Variants in WWOX observed in about 807,000 individuals in gnomAD.
WWOX encodes the protein WW domain containing oxidoreductase.
WWOX carries 69 observed loss-of-function variants against 46.2 expected under a neutral mutation model. The observed-to-expected ratio is 1.49, with a 90% CI of 1.23 to 1.82. WWOX has a LOEUF of 1.82. WWOX is among the 40% of genes most tolerant of loss of function. The pLI is 0.00. For synonymous variants in WWOX, 359 were observed against 202.6 expected (o/e 1.77, Z -6.56); for missense variants, 919 against 542.6 (o/e 1.69, Z -6.89).
At chr16:78,225,657 C>T (rs1298789936) in intron 5 of WWOX, among the ~76,000 whole-genome samples, 1 of 152,120 alleles carries the variant, frequency 6.6e-6, no homozygotes, top group East Asian at 1.9e-4. Context: ...TGATTTTCTC[C>T]AGATGAGTAG....
intron 5 of WWOX, among the ~76,000 whole-genome samples, chr16:78,272,811 C>A (rs1475761926): frequency 1.3e-5 from 2 of 151,986 alleles, no homozygotes; most frequent in African/African-American, 2.4e-5. Flanking sequence ...ACACTGTATG[C>A]CATTTGCTTA....
At chr16:79,118,991 C>G (rs1027978401) in intron 8 of WWOX, among the ~76,000 whole-genome samples, 1 of 152,252 alleles carries the variant, frequency 6.6e-6, no homozygotes, top group Non-Finnish European at 1.5e-5. Flanking sequence ...CATCTCTGTG[C>G]ATAAAGCAGT....
chr16:78,704,281 C>G (rs1207528344), intron 8 of WWOX, among the ~76,000 whole-genome samples: 1 of 152,110 alleles, frequency 6.6e-6, no homozygotes, highest in Non-Finnish European at 1.5e-5. Flanking sequence ...GCGGGTATCT[C>G]CAAAATTTCC....
chr16:78,199,773 A>C (rs1267195150), intron 5 of WWOX, among the ~76,000 whole-genome samples: 4 of 145,394 alleles, frequency 2.8e-5, no homozygotes, highest in African/African-American at 1.1e-4. Context: ...TCTTAGGCTG[A>C]GTTCCAGACT....
rs528398736 is a variant in WWOX at position 78,929,609 on chromosome 16, T to A, written c.1057-281999T>A. On this transcript the variant is annotated intron_variant, in intron 8 of 8. Transcript: ENST00000566780. Reference sequence around the variant, plus strand: ...AGCCTGGTGGACAAGGAGGGCGGGATAAGATTGCCAGGCCCTGCTTCTATT... The same window carrying A: ...AGCCTGGTGGACAAGGAGGGCGGGAAAAGATTGCCAGGCCCTGCTTCTATT... 3.9e-5 allele frequency among the ~76,000 whole-genome samples: 6 copies of A among 152,284 alleles called. No homozygotes were observed. In the East Asian group the frequency reaches 1.2e-3, roughly 29 times the overall value.
At chr16:78,287,556 T>C (rs1162634004) in intron 5 of WWOX, among the ~76,000 whole-genome samples, 1 of 151,394 alleles carries the variant, frequency 6.6e-6, no homozygotes, top group African/African-American at 2.4e-5. Flanking sequence ...CGATTATTGC[T>C]TTTTTTTTCC....
At chr16:78,211,027 A>G (rs16947277) in intron 5 of WWOX, among the ~76,000 whole-genome samples, 3,939 of 152,318 alleles carry the variant, frequency 0.026, 172 homozygotes, top group African/African-American at 0.091. Flanking sequence ...AATCCATAGT[A>G]ACTGGAGGCA....
chr16:78,691,967 G>T (rs1041413645), intron 8 of WWOX, among the ~76,000 whole-genome samples: 6 of 152,188 alleles, frequency 3.9e-5, no homozygotes, highest in African/African-American at 9.6e-5. Flanking sequence ...TCTGATGGGT[G>T]TATCAGGAGT....
At chr16:79,132,587 G>A (rs976005607) in intron 8 of WWOX, among the ~76,000 whole-genome samples, 1 of 151,832 alleles carries the variant, frequency 6.6e-6, no homozygotes, top group Non-Finnish European at 1.5e-5. Flanking sequence ...TCTCTGTCTG[G>A]TTTCTCTGTG....
intron 7 of WWOX, among the ~76,000 whole-genome samples, chr16:78,426,923 C>A (rs8050734): frequency 0.17 from 25,824 of 152,054 alleles, 2,832 homozygotes; most frequent in East Asian, 0.3. Context: ...TGGCTTCTCA[C>A]AGTGCTGTGA....
chr16:78,133,595 C>G (rs1390084102), intron 4 of WWOX, among the ~76,000 whole-genome samples: 1 of 152,128 alleles, frequency 6.6e-6, no homozygotes, highest in East Asian at 1.9e-4. Flanking sequence ...GGGGTTTCAC[C>G]ATGTTGGCCA....
At chr16:79,047,645 G>C (rs1473548029) in intron 8 of WWOX, among the ~76,000 whole-genome samples, 2 of 148,812 alleles carry the variant, frequency 1.3e-5, no homozygotes, top group Non-Finnish European at 3.0e-5. Context: ...TGTCAGAACT[G>C]GGTGACTTTC....
At chr16:78,175,007 A>ATAATAATAATAG (rs2035287888) in intron 5 of WWOX, among the ~76,000 whole-genome samples, 1 of 143,108 alleles carries the variant, frequency 7.0e-6, no homozygotes, top group Non-Finnish European at 1.5e-5. Flanking sequence ...AGTAATAATA[A>ATAATAATAATAG]TAATAATAAT....
At chr16:78,670,158 C>G (rs2047425929) in intron 8 of WWOX, among the ~76,000 whole-genome samples, 1 of 152,104 alleles carries the variant, frequency 6.6e-6, no homozygotes, top group South Asian at 2.1e-4. Flanking sequence ...TCTTATTCAC[C>G]CCTTATTCTC....
At chr16:78,277,584 C>A (rs1330629160) in intron 5 of WWOX, among the ~76,000 whole-genome samples, 1 of 152,186 alleles carries the variant, frequency 6.6e-6, no homozygotes, top group Non-Finnish European at 1.5e-5. Flanking sequence ...CTGGCCCAAT[C>A]TGCTTCAGTG....
At chr16:78,462,422 T>C (rs2083973941) in intron 8 of WWOX, among the ~76,000 whole-genome samples, 1 of 152,190 alleles carries the variant, frequency 6.6e-6, no homozygotes, top group African/African-American at 2.4e-5. Flanking sequence ...TTGTCGCTAA[T>C]TTGCAGCGCA....
intron 8 of WWOX, among the ~76,000 whole-genome samples, chr16:78,635,785 A>G (rs753237474): frequency 1.3e-5 from 2 of 152,294 alleles, no homozygotes; most frequent in South Asian, 2.1e-4. Flanking sequence ...CTGGATGTCC[A>G]TGTTGGAAAA....
chr16:78,305,549 A>G (rs1317365045), intron 5 of WWOX, among the ~76,000 whole-genome samples: 6 of 152,158 alleles, frequency 3.9e-5, no homozygotes, highest in Non-Finnish European at 7.4e-5. Context: ...TGAACTGATT[A>G]AAAAGCCCCA....
chr16:78,365,608 C>T (rs2081518717), intron 5 of WWOX, among the ~76,000 whole-genome samples: 1 of 152,212 alleles, frequency 6.6e-6, no homozygotes, highest in Non-Finnish European at 1.5e-5. Flanking sequence ...ATTCTTTCCA[C>T]ATTATGAAGT....
Sources: allele counts gnomAD v4.1 joint callset (sites outside exome capture counted in the v4.1 genomes callset), GRCh38; gene constraint gnomAD v4.1.1; transcripts MANE v1.5; gene names NCBI Gene and HGNC (gene_info 2026-07-23, HGNC 2026-07-21).